GNAQ: variants seen among roughly 807,000 people sequenced by gnomAD.
The protein encoded by GNAQ is guanine nucleotide-binding protein G(q) subunit alpha.
GNAQ carries 8 observed loss-of-function variants against 43.9 expected under a neutral mutation model. The observed-to-expected ratio is 0.18, with a 90% CI of 0.11 to 0.33. The LOEUF (loss-of-function observed/expected upper bound fraction) is 0.33. Among genes scored for constraint, GNAQ ranks in the 10% least tolerant of loss-of-function variants. The probability of loss-of-function intolerance (pLI) is 1.00; values close to 1 mark genes in which losing one functional copy is unlikely to be tolerated. For synonymous variants in GNAQ, 155 were observed against 170.7 expected, an observed-to-expected ratio of 0.91 and a Z score of 0.71; for missense variants, 158 against 450.8, an observed-to-expected ratio of 0.35 and a Z score of 5.88.
chr9:77,999,098 A>C (rs1272573473), intron 1 of GNAQ, among the ~76,000 whole-genome samples: 4 of 150,330 alleles, frequency 2.7e-5, no homozygotes, highest in Non-Finnish European at 5.9e-5. Context: ...GTCTCAAAAA[A>C]AAAAAAAAAA....
chr9:77,920,519 A>G (rs1452027867), intron 2 of GNAQ, among the ~76,000 whole-genome samples: 1 of 152,092 alleles, frequency 6.6e-6, no homozygotes, highest in Non-Finnish European at 1.5e-5. Flanking sequence ...CAACAAACAA[A>G]CTCAACACAA....
intron 1 of GNAQ, among the ~76,000 whole-genome samples, chr9:77,972,280 T>C (rs775672878): frequency 6.6e-6 from 1 of 152,122 alleles, no homozygotes; most frequent in Non-Finnish European, 1.5e-5. Flanking sequence ...ATTCTACAAA[T>C]ATTAATCGTG....
At chr9:77,976,095 T>A (rs1318135329) in intron 1 of GNAQ, among the ~76,000 whole-genome samples, 2 of 152,248 alleles carry the variant, frequency 1.3e-5, no homozygotes, top group Non-Finnish European at 2.9e-5. Flanking sequence ...TGACATTATG[T>A]GTATCATTTC....
intron 2 of GNAQ, among the ~76,000 whole-genome samples, chr9:77,822,176 T>A (rs1004641360): frequency 2.6e-5 from 4 of 152,184 alleles, no homozygotes; most frequent in African/African-American, 9.7e-5. Context: ...TCCAAACTTG[T>A]TTGACCATGG....
At chr9:77,905,115 G>T (rs939086778) in intron 2 of GNAQ, among the ~76,000 whole-genome samples, 5 of 152,124 alleles carry the variant, frequency 3.3e-5, no homozygotes, top group Non-Finnish European at 7.3e-5. Flanking sequence ...ATAAAATTAA[G>T]TTAGATGTTA....
At chr9:77,969,720 G>C (rs187734941) in intron 1 of GNAQ, among the ~76,000 whole-genome samples, 1 of 152,174 alleles carries the variant, frequency 6.6e-6, no homozygotes, top group African/African-American at 2.4e-5. Context: ...GATTTTCCAG[G>C]AAATTGGGGG....
Position 78,018,383 on chromosome 9 carries a change from A to C in GNAQ, c.136+12717T>G, listed in dbSNP as rs1823864650. Among the ~76,000 whole-genome samples the C allele has an allele frequency of 2.0e-5, 3 of 152,202 alleles. No individual in the cohort carries two copies. The South Asian group carries it at 6.2e-4, about 31-fold the overall frequency. ...AATGTGCAAAAAGAGCATGGTTCTT[A>C]GTTTAGACTGGTATATTTTTGATAA... On this transcript the variant is annotated intron_variant, in intron 1 of 6. Coordinates refer to ENST00000286548, the MANE Select transcript of GNAQ (RefSeq NM_002072.5).
chr9:77,798,374 C>T (rs1826691154), intron 3 of GNAQ, among the ~76,000 whole-genome samples: 1 of 152,122 alleles, frequency 6.6e-6, no homozygotes, highest in African/African-American at 2.4e-5. Flanking sequence ...TATTACAGAA[C>T]ATTTCCCTGT....
chr9:77,966,591 A>G (rs1408218457), intron 1 of GNAQ, among the ~76,000 whole-genome samples: 1 of 152,192 alleles, frequency 6.6e-6, no homozygotes, highest in Non-Finnish European at 1.5e-5. Context: ...AAATCTTATT[A>G]CTAGCCAAAA....
intron 5 of GNAQ, among the ~76,000 whole-genome samples, chr9:77,764,974 CA>C (rs1418529580): frequency 4.6e-5 from 7 of 152,244 alleles, no homozygotes; most frequent in African/African-American, 1.7e-4. Flanking sequence ...TTAGTTTTTT[CA>C]AATTAACATA....
chr9:77,798,181 G>A lies in GNAQ; in HGVS notation c.477-533C>T, dbSNP rs535405148. Among the ~76,000 whole-genome samples the A allele has an allele frequency of 3.3e-5, 5 of 152,254 alleles. No individual in the cohort carries two copies. In the East Asian group the frequency reaches 7.7e-4, roughly 23 times the overall value. On this transcript the variant is annotated intron_variant, in intron 3 of 6. Coordinates refer to ENST00000286548, the MANE Select transcript of GNAQ (RefSeq NM_002072.5). Reference sequence around the variant, plus strand: ...AGAGCCTAAGTCATTCATGATTAATGTGAAGCCATGACATTTCTAGTTACT... The same window carrying A: ...AGAGCCTAAGTCATTCATGATTAATATGAAGCCATGACATTTCTAGTTACT...
At chr9:77,803,629 A>G (rs1826781790) in intron 3 of GNAQ, among the ~76,000 whole-genome samples, 1 of 152,234 alleles carries the variant, frequency 6.6e-6, no homozygotes, top group Non-Finnish European at 1.5e-5. Context: ...TACAGATAGG[A>G]AGATTCATTG....
At chr9:77,970,191 G>T (rs745639723) in intron 1 of GNAQ, among the ~76,000 whole-genome samples, 1 of 151,408 alleles carries the variant, frequency 6.6e-6, no homozygotes, top group Non-Finnish European at 1.5e-5. Context: ...CTCCACTCCA[G>T]CCTAGGCAAC....
intron 1 of GNAQ, among the ~76,000 whole-genome samples, chr9:77,925,640 T>C (rs1413674564): frequency 1.3e-5 from 2 of 152,230 alleles, no homozygotes; most frequent in Admixed American, 1.3e-4. Flanking sequence ...TTCATTTTAT[T>C]ATACAAATGT....
In GNAQ at chr9:78,026,319, C is replaced by T. The variant is rs575660459; in HGVS notation, c.136+4781G>A. ...GTAGTTCAATGCAAAAAACTTATTCCGAAGGCTTTGTTATACAGTCAGAGC... is the reference window on the plus strand; with the variant it reads ...GTAGTTCAATGCAAAAAACTTATTCTGAAGGCTTTGTTATACAGTCAGAGC... On this transcript the variant is annotated intron_variant, in intron 1 of 6. Coordinates refer to ENST00000286548, the MANE Select transcript of GNAQ (RefSeq NM_002072.5). 8.3e-4 allele frequency among the ~76,000 whole-genome samples: 126 copies of T among 152,158 alleles called. No individual in the cohort carries two copies. The South Asian group carries it at 0.013, about 15-fold the overall frequency.
At chr9:77,967,912 G>A (rs59317340) in intron 1 of GNAQ, among the ~76,000 whole-genome samples, 11 of 152,030 alleles carry the variant, frequency 7.2e-5, no homozygotes, top group Non-Finnish European at 1.3e-4. Flanking sequence ...CTTGGGAGGC[G>A]GAGGTTGCAG....
intron 1 of GNAQ, among the ~76,000 whole-genome samples, chr9:77,980,964 A>C (rs915929189): frequency 2.0e-5 from 3 of 152,174 alleles, no homozygotes; most frequent in Non-Finnish European, 4.4e-5. Context: ...AATCCATGCT[A>C]TATCAGTGAT....
At chr9:78,011,285 G>A (rs1823769489) in intron 1 of GNAQ, among the ~76,000 whole-genome samples, 1 of 152,156 alleles carries the variant, frequency 6.6e-6, no homozygotes, top group Non-Finnish European at 1.5e-5. Flanking sequence ...CAGCTCAAGT[G>A]CTAAGGGAAA....
intron 5 of GNAQ, among the ~76,000 whole-genome samples, chr9:77,759,894 T>TGTTC (rs1554713694): frequency 9.5e-5 from 14 of 147,120 alleles, no homozygotes; most frequent in African/African-American, 3.5e-4. Flanking sequence ...CTCTCTCTTT[T>TGTTC]TTTCTTTCTT....
Sources: gnomAD v4.1 joint callset for allele counts (sites outside exome capture counted in the v4.1 genomes callset) on GRCh38, gnomAD v4.1.1 for gene constraint, MANE v1.5 for transcripts, NCBI Gene and HGNC (gene_info 2026-07-23, HGNC 2026-07-21) for gene names.